SLC25A36: variants seen among roughly 807,000 people sequenced by gnomAD.
SLC25A36 encodes the protein solute carrier family 25 member 36.
In SLC25A36, 24 loss-of-function variants were observed where a neutral mutation model predicts 35.3. That is an observed-to-expected ratio of 0.68 (90% CI 0.49 to 0.96). The LOEUF (loss-of-function observed/expected upper bound fraction) is 0.96. SLC25A36 is among the 40% of genes least tolerant of loss of function. The pLI is 0.00. For synonymous variants in SLC25A36, 141 were observed against 132.2 expected (o/e 1.07, Z -0.46); for missense variants, 294 against 381.1 (o/e 0.77, Z 1.90).
chr3:140,947,683 TA>T (rs1934204095), intron 1 of SLC25A36, among the ~76,000 whole-genome samples: 2 of 152,208 alleles, frequency 1.3e-5, no homozygotes, highest in South Asian at 4.1e-4. Context: ...ACAATAAGAA[TA>T]ACGTGTTAAT....
rs1935069079 is a variant in SLC25A36 at position 140,977,122 on chromosome 3, A to G, written c.*669A>G. 1 of 152,214 alleles carries G rather than the reference A, an allele frequency of 6.6e-6. No individual in the cohort carries two copies. Among genetic ancestry groups the G allele is most frequent in the Non-Finnish European group, 1.5e-5 (1 of 68,048 alleles). The allele number at this position is 152,214 out of a possible 1,614,324, so 9.4% of individuals were successfully genotyped here. ...ACACATGGTAATAGTTTGGGACAAA[A>G]TAACTAGTAAAATGTTGATTTCTCG... is the stretch of plus-strand genomic sequence containing the variant. On this transcript the variant is annotated 3_prime_UTR_variant, in exon 7 of 7. Coordinates refer to ENST00000324194, the MANE Select transcript of SLC25A36 (RefSeq NM_001104647.3).
intron 1 of SLC25A36, among the ~76,000 whole-genome samples, chr3:140,947,678 A>T (rs1236250924): frequency 6.6e-6 from 1 of 152,184 alleles, no homozygotes; most frequent in Non-Finnish European, 1.5e-5. Flanking sequence ...CATCCACAAT[A>T]AGAATAACGT....
chr3:140,968,429 A>T, intron 4 of SLC25A36: 1 of 980,034 alleles, frequency 1.0e-6, no homozygotes, highest in Non-Finnish European at 1.2e-6. Flanking sequence ...AATAGCAATT[A>T]CGTAGGGATA....
At chr3:140,954,596 A>T (rs971946467) in intron 1 of SLC25A36, among the ~76,000 whole-genome samples, 2 of 152,246 alleles carry the variant, frequency 1.3e-5, no homozygotes, top group African/African-American at 4.8e-5. Context: ...GTAGTATCTT[A>T]TAATGGATCT....
chr3:140,962,585 T>G (rs1167874421), intron 3 of SLC25A36, among the ~76,000 whole-genome samples: 1 of 152,124 alleles, frequency 6.6e-6, no homozygotes, highest in Non-Finnish European at 1.5e-5. Context: ...CACAGTATCT[T>G]AAAATTGTTT....
chr3:140,961,036 A>G (rs1934613994), intron 3 of SLC25A36, among the ~76,000 whole-genome samples: 1 of 152,250 alleles, frequency 6.6e-6, no homozygotes, highest in African/African-American at 2.4e-5. Context: ...AGAACACTGT[A>G]TAAAGTTCAT....
At chr3:140,968,481 T>G (rs1934819249) in intron 4 of SLC25A36, 1 of 983,324 alleles carries the variant, frequency 1.0e-6, no homozygotes, top group Non-Finnish European at 1.2e-6. Context: ...ATGTGTCCTG[T>G]TACATAGGTT....
intron 4 of SLC25A36, chr3:140,968,551 C>T: frequency 1.1e-6 from 1 of 942,378 alleles, no homozygotes; most frequent in African/African-American, 1.8e-5. Context: ...TGCTTTCTGA[C>T]ATTATAGTAA....
At chr3:140,954,064 C>A (rs1934409662) in intron 1 of SLC25A36, among the ~76,000 whole-genome samples, 1 of 152,192 alleles carries the variant, frequency 6.6e-6, no homozygotes, top group South Asian at 2.1e-4. Context: ...TCCTCTACCC[C>A]TTGGAAACCA....
rs188700342 is a variant in SLC25A36, at chr3:140,963,335, G to C, written c.385+108G>C. On this transcript the variant is annotated intron_variant, in intron 4 of 6. Coordinates refer to ENST00000324194, the MANE Select transcript of SLC25A36 (RefSeq NM_001104647.3). ...GTTGATGATTAATGTGCTTTTCATT[G>C]ATTAGATGATTTTTACGTTTATCGA... 68 of 700,048 alleles carry C rather than the reference G, an allele frequency of 9.7e-5. No individual in the cohort carries two copies. The Middle Eastern group carries it at 2.4e-3, about 25-fold the overall frequency. The allele number at this position is 700,048 out of a possible 1,614,324, so 43.4% of individuals were successfully genotyped here.
At chr3:140,943,533 G>C (rs192696370) in intron 1 of SLC25A36, among the ~76,000 whole-genome samples, 112 of 152,336 alleles carry the variant, frequency 7.4e-4, no homozygotes, top group African/African-American at 2.6e-3. Context: ...CTGTAGCTAT[G>C]TAGATGCTCT....
chr3:140,955,259 G>T (rs140837534), intron 1 of SLC25A36, among the ~76,000 whole-genome samples: 10 of 151,544 alleles, frequency 6.6e-5, no homozygotes, highest in East Asian at 1.9e-4. Flanking sequence ...ATGTGTGTGT[G>T]TTTTTTTTAT....
chr3:140,954,135 T>C (rs982965862), intron 1 of SLC25A36, among the ~76,000 whole-genome samples: 2 of 152,194 alleles, frequency 1.3e-5, no homozygotes, highest in Non-Finnish European at 2.9e-5. Context: ...AGTGTTTGCT[T>C]AACGAGGGGG....
intron 5 of SLC25A36, 70 bp from the exon 6 acceptor site, chr3:140,973,646 A>G (rs1361371516): frequency 9.0e-7 from 1 of 1,109,928 alleles, no homozygotes; most frequent in East Asian, 2.9e-5. Flanking sequence ...TATTATTAGA[A>G]TGACATATTT....
intron 1 of SLC25A36, among the ~76,000 whole-genome samples, chr3:140,953,445 A>G (rs1934383761): frequency 6.7e-6 from 1 of 149,400 alleles, no homozygotes; most frequent in East Asian, 2.0e-4. Flanking sequence ...CTATGAGTGG[A>G]ATTTTTTTGA....
intron 4 of SLC25A36, chr3:140,970,351 A>C (rs1264861644): frequency 6.6e-6 from 1 of 151,882 alleles, no homozygotes; most frequent in African/African-American, 2.4e-5. Context: ...CCTAACAAAA[A>C]CCTTACTGTG....
At chr3:140,968,689 A>G (rs916943153) in intron 4 of SLC25A36, 3 of 983,860 alleles carry the variant, frequency 3.0e-6, no homozygotes, top group Non-Finnish European at 3.6e-6. Context: ...CCAGCCTCAA[A>G]TTCTTTTGTG....
At chr3:140,956,953 A>C (rs562978955) in intron 2 of SLC25A36, 1 of 374,002 alleles carries the variant, frequency 2.7e-6, no homozygotes, top group African/African-American at 2.1e-5. Flanking sequence ...TTCTAAAGCT[A>C]TTATAAGTAT....
chr3:140,979,088 A>G lies in SLC25A36; in HGVS notation c.*2635A>G, dbSNP rs1272121172. On this transcript the variant is annotated 3_prime_UTR_variant, in exon 7 of 7. Transcript: ENST00000324194. ...CATGCAGTGGTTTTAATCCCAGGAA[A>G]AAAACTATCACCAAAAGTTCGTTTG... 6.6e-6 allele frequency: 1 copy of G among 152,032 alleles called. No homozygotes were observed. The highest frequency in any genetic ancestry group is 2.4e-5 in the African/African-American group (1 of 41,318). 9.4% of individuals were successfully genotyped at this position (152,032 alleles called of 1,614,324 possible).
Sources: gnomAD v4.1 joint callset for allele counts (sites outside exome capture counted in the v4.1 genomes callset) on GRCh38, gnomAD v4.1.1 for gene constraint, MANE v1.5 for transcripts, NCBI Gene and HGNC (gene_info 2026-07-23, HGNC 2026-07-21) for gene names.